The following DLC1 variants were observed in gnomAD, a reference collection of about 807,000 sequenced individuals.
DLC1 encodes the protein rho GTPase-activating protein 7.
DLC1 carries 54 observed loss-of-function variants against 140.3 expected under a neutral mutation model. The ratio of observed to expected loss-of-function variants is 0.38; its 90% CI spans 0.31 to 0.48. The LOEUF is 0.48. DLC1 is among the 20% of genes least tolerant of loss of function. The probability of loss-of-function intolerance (pLI) is 0.96; values close to 1 mark genes in which losing one functional copy is unlikely to be tolerated. For synonymous variants in DLC1, 986 were observed against 728.1 expected, an observed-to-expected ratio of 1.35 and a Z score of -5.70; for missense variants, 2,536 against 1,907.0, an observed-to-expected ratio of 1.33 and a Z score of -6.14.
chr8:13,573,882 CTTAA>C (rs1198842791), intron 1 of DLC1, among the ~76,000 whole-genome samples: 7 of 152,192 alleles, frequency 4.6e-5, no homozygotes, highest in African/African-American at 1.7e-4. Context: ...ACACTTGTGG[CTTAA>C]TTAATATGCT....
chr8:13,308,433 T>C (rs1832543796), intron 4 of DLC1, among the ~76,000 whole-genome samples: 1 of 152,192 alleles, frequency 6.6e-6, no homozygotes, highest in South Asian at 2.1e-4. Context: ...CCTCCAATGA[T>C]TTATCTTTGA....
At chr8:13,115,309 G>A (rs759520722) in intron 6 of DLC1, among the ~76,000 whole-genome samples, 4 of 152,114 alleles carry the variant, frequency 2.6e-5, no homozygotes, top group Non-Finnish European at 5.9e-5. Flanking sequence ...AAATGGAGTA[G>A]AATTATACAA....
chr8:13,554,489 A>G (rs1304289304), intron 1 of DLC1, among the ~76,000 whole-genome samples: 1 of 152,114 alleles, frequency 6.6e-6, no homozygotes, highest in Non-Finnish European at 1.5e-5. Flanking sequence ...CTCAGAGGTA[A>G]AATTTCCAAA....
intron 5 of DLC1, among the ~76,000 whole-genome samples, chr8:13,129,329 C>T (rs954815600): frequency 2.0e-5 from 3 of 152,204 alleles, no homozygotes; most frequent in African/African-American, 7.2e-5. Context: ...CATGTTCCTT[C>T]TAATTTCATA....
At chr8:13,109,496 G>A (rs1254086489) in intron 7 of DLC1, among the ~76,000 whole-genome samples, 2 of 152,064 alleles carry the variant, frequency 1.3e-5, no homozygotes, top group Admixed American at 6.6e-5. Flanking sequence ...GGTCAAGGCT[G>A]CAGTGAACCA....
chr8:13,543,131 A>C lies in DLC1; in HGVS notation c.-125-42935T>G, dbSNP rs185452196. Among the ~76,000 whole-genome samples, 30 of 152,268 alleles carry C rather than the reference A, an allele frequency of 2.0e-4. No homozygotes were observed. In the East Asian group the frequency reaches 5.0e-3, roughly 25 times the overall value. The stretch of plus-strand genomic sequence containing the variant: ...TGTTCCAGTGATTAGTAAACCTTGC[A>C]TATTGTTGGTATTTAGCAAATATTT... On this transcript the variant is annotated intron_variant, in intron 1 of 1. Coordinates refer to the DLC1 transcript ENST00000631382.
chr8:13,509,354 G>GA (rs1184078831), intron 1 of DLC1, among the ~76,000 whole-genome samples: 5 of 152,170 alleles, frequency 3.3e-5, no homozygotes, highest in African/African-American at 1.2e-4. Flanking sequence ...TCAGGAACAA[G>GA]ATGTCATTAG....
intron 5 of DLC1, among the ~76,000 whole-genome samples, chr8:13,265,258 C>G (rs77729940): frequency 6.6e-6 from 1 of 151,842 alleles, no homozygotes; most frequent in South Asian, 2.1e-4. Flanking sequence ...TGGAACAGGG[C>G]GAAGAAAGCA....
chr8:13,579,348 T>A (rs1804974610), intron 1 of DLC1, among the ~76,000 whole-genome samples: 2 of 54,058 alleles, frequency 3.7e-5, no homozygotes, highest in African/African-American at 2.1e-4. Context: ...TATATATATA[T>A]ATATATATAT....
At chr8:13,592,226 G>C (rs936681620) in intron 1 of DLC1, among the ~76,000 whole-genome samples, 3 of 152,020 alleles carry the variant, frequency 2.0e-5, no homozygotes, top group South Asian at 2.1e-4. Flanking sequence ...AGAAATTTTC[G>C]ATTCAAGTAT....
chr8:13,570,526 A>G (rs866983916), intron 1 of DLC1, among the ~76,000 whole-genome samples: 3 of 133,514 alleles, frequency 2.2e-5, no homozygotes, highest in South Asian at 2.5e-4. Flanking sequence ...ATTCCCACCT[A>G]TGAGTGAGAA....
intron 5 of DLC1, among the ~76,000 whole-genome samples, chr8:13,116,620 A>T (rs1181908601): frequency 2.0e-5 from 3 of 152,234 alleles, no homozygotes; most frequent in Non-Finnish European, 4.4e-5. Flanking sequence ...AATAGTTCAT[A>T]TCAGAAGTGT....
chr8:13,346,218 A>G (rs1398402510), intron 4 of DLC1, among the ~76,000 whole-genome samples: 1 of 152,208 alleles, frequency 6.6e-6, no homozygotes, highest in Non-Finnish European at 1.5e-5. Context: ...ACTTGGTTAA[A>G]GTTTGAGTAT....
At chr8:13,566,740 C>A (rs1804443332) in intron 1 of DLC1, 1 of 493,204 alleles carries the variant, frequency 2.0e-6, no homozygotes. Context: ...AAATCGCCAA[C>A]CCGGCGCAAG....
intron 4 of DLC1, among the ~76,000 whole-genome samples, chr8:13,338,318 T>C (rs1272149543): frequency 2.0e-5 from 3 of 152,182 alleles, no homozygotes; most frequent in African/African-American, 7.2e-5. Flanking sequence ...AAAAAAATAC[T>C]ATTTTAGTTT....
intron 1 of DLC1, among the ~76,000 whole-genome samples, chr8:13,523,091 A>G (rs566919899): frequency 6.6e-6 from 1 of 152,356 alleles, no homozygotes; most frequent in Admixed American, 6.5e-5. Flanking sequence ...AGAGCCCTGG[A>G]AAGATTTTGA....
At chr8:13,361,841 A>C (rs1835241184) in intron 4 of DLC1, among the ~76,000 whole-genome samples, 1 of 152,196 alleles carries the variant, frequency 6.6e-6, no homozygotes, top group Admixed American at 6.5e-5. Flanking sequence ...TATTTAGTAC[A>C]TATATCAATA....
intron 4 of DLC1, among the ~76,000 whole-genome samples, chr8:13,362,021 G>T (rs1835249972): frequency 6.6e-6 from 1 of 152,204 alleles, no homozygotes; most frequent in African/African-American, 2.4e-5. Flanking sequence ...TCAAAGAGCA[G>T]CCAGACACAA....
intron 5 of DLC1, among the ~76,000 whole-genome samples, chr8:13,253,796 C>T (rs759735108): frequency 9.2e-5 from 14 of 152,170 alleles, no homozygotes; most frequent in Non-Finnish European, 1.8e-4. Context: ...TCATTTCCCC[C>T]TCTTTTTTAA....
Sources: allele counts gnomAD v4.1 joint callset (sites outside exome capture counted in the v4.1 genomes callset), GRCh38; gene constraint gnomAD v4.1.1; transcripts MANE v1.5; gene names NCBI Gene and HGNC (gene_info 2026-07-23, HGNC 2026-07-21).